Variants in MANBA observed in about 807,000 individuals in gnomAD.
MANBA encodes beta-mannosidase.
A neutral mutation model predicts 111.1 loss-of-function variants in MANBA; 83 were observed. The observed-to-expected ratio is 0.75, with a 90% CI of 0.63 to 0.90. MANBA has a LOEUF of 0.90. MANBA is among the 40% of genes least tolerant of loss of function. MANBA has a pLI of 0.00. For missense variants in MANBA, 1,036 were observed against 1,069.0 expected, an observed-to-expected ratio of 0.97 and a Z score of 0.43; for synonymous variants, 370 against 378.7, an observed-to-expected ratio of 0.98 and a Z score of 0.27.
intron 1 of MANBA, among the ~76,000 whole-genome samples, chr4:102,759,375 A>G (rs1344812825): frequency 2.0e-5 from 3 of 152,114 alleles, no homozygotes; most frequent in Non-Finnish European, 2.9e-5. Flanking sequence ...CTACAAAATA[A>G]ACACAGGCAT....
chr4:102,661,768 C>T (rs1050637018), intron 11 of MANBA, among the ~76,000 whole-genome samples: 2 of 152,166 alleles, frequency 1.3e-5, no homozygotes. Context: ...TTGCAAATCT[C>T]ACAGATGACA....
chr4:102,639,184 C>A (rs572188529), intron 14 of MANBA, among the ~76,000 whole-genome samples: 2 of 152,270 alleles, frequency 1.3e-5, no homozygotes, highest in Admixed American at 1.3e-4. Context: ...CCTCTACTAG[C>A]TTTTCCCCAA....
intron 2 of MANBA, among the ~76,000 whole-genome samples, chr4:102,725,329 T>G (rs190961349): frequency 7.2e-4 from 109 of 152,234 alleles, no homozygotes; most frequent in African/African-American, 2.5e-3. Context: ...CTTATACCCT[T>G]TGCTCTTTGC....
chr4:102,662,304 G>A (rs924747098), intron 11 of MANBA, among the ~76,000 whole-genome samples: 10 of 152,088 alleles, frequency 6.6e-5, no homozygotes, highest in Non-Finnish European at 5.9e-5. Flanking sequence ...CACTTTCGGA[G>A]GCCGAGGTGG....
intron 1 of MANBA, among the ~76,000 whole-genome samples, chr4:102,740,165 C>T (rs1723351153): frequency 6.6e-6 from 1 of 152,112 alleles, no homozygotes; most frequent in African/African-American, 2.4e-5. Flanking sequence ...AGCTGATAAT[C>T]AAATCAAGAA....
chr4:102,754,167 C>A (rs886087020), intron 1 of MANBA, among the ~76,000 whole-genome samples: 1 of 152,078 alleles, frequency 6.6e-6, no homozygotes, highest in East Asian at 1.9e-4. Context: ...AAATAATATT[C>A]AAATCTAGCA....
chr4:102,638,520 G>T (rs1471682946), intron 14 of MANBA, among the ~76,000 whole-genome samples: 1 of 152,058 alleles, frequency 6.6e-6, no homozygotes, highest in Admixed American at 6.6e-5. Flanking sequence ...GGAATAATCT[G>T]CATGGGATCA....
At chr4:102,748,038 C>T (rs984983179) in intron 1 of MANBA, among the ~76,000 whole-genome samples, 2 of 152,196 alleles carry the variant, frequency 1.3e-5, no homozygotes, top group Non-Finnish European at 2.9e-5. Context: ...ATCACACTTG[C>T]TCAGGGAGTG....
chr4:102,652,795 T>C (rs1238841815), intron 12 of MANBA, among the ~76,000 whole-genome samples: 2 of 152,134 alleles, frequency 1.3e-5, no homozygotes, highest in African/African-American at 4.8e-5. Context: ...CTTGGGAGGC[T>C]AAAGTGGGAT....
Position 102,640,653 on chromosome 4 carries a change from G to A in MANBA, c.1870-796C>T, listed in dbSNP as rs552688129. ...AGAACCCAGAGATGGTCAGAGCAGC[G>A]AGGATTTCAGAGAACAAGAAGGCCT... On this transcript the variant is annotated intron_variant, in intron 13 of 16. Transcript: ENST00000647097. 9.8e-5 allele frequency among the ~76,000 whole-genome samples: 15 copies of A among 152,286 alleles called. 1 individual carries two copies. In the South Asian group the frequency reaches 2.3e-3, roughly 23 times the overall value.
At chr4:102,704,461 C>T (rs929851457) in intron 5 of MANBA, among the ~76,000 whole-genome samples, 9 of 152,122 alleles carry the variant, frequency 5.9e-5, no homozygotes, top group African/African-American at 9.7e-5. Context: ...TGAGCCACCA[C>T]GCCCAGCCTT....
intron 4 of MANBA, among the ~76,000 whole-genome samples, chr4:102,715,638 T>C (rs879272503): frequency 6.6e-5 from 10 of 152,118 alleles, no homozygotes; most frequent in Non-Finnish European, 1.2e-4. Flanking sequence ...TGATCTTCTC[T>C]CTCCTCCCAC....
At chr4:102,638,689 C>T (rs545859491) in intron 14 of MANBA, among the ~76,000 whole-genome samples, 3 of 152,280 alleles carry the variant, frequency 2.0e-5, no homozygotes. Flanking sequence ...GAAGGATTTT[C>T]CCCCCAATTC....
intron 7 of MANBA, chr4:102,682,739 C>G (rs1732042079): frequency 6.6e-6 from 1 of 152,084 alleles, no homozygotes; most frequent in African/African-American, 2.4e-5. Context: ...ATGGTGGAGA[C>G]AGAGATCAGA....
At chr4:102,749,320 T>G (rs1172725830) in intron 1 of MANBA, among the ~76,000 whole-genome samples, 2 of 152,166 alleles carry the variant, frequency 1.3e-5, no homozygotes, top group African/African-American at 4.8e-5. Flanking sequence ...ATGTGGTGGT[T>G]AGACACAAGC....
intron 16 of MANBA, among the ~76,000 whole-genome samples, chr4:102,632,951 C>G (rs2866407): frequency 0.55 from 83,107 of 151,556 alleles, 23,181 homozygotes; most frequent in African/African-American, 0.63. Context: ...TTGCAAACCT[C>G]TCTTTGTGTG....
chr4:102,749,566 T>TAGTAGA (rs1336392237), intron 1 of MANBA, among the ~76,000 whole-genome samples: 1 of 152,250 alleles, frequency 6.6e-6, no homozygotes. Context: ...TGTTTACTAT[T>TAGTAGA]TACTGTTTCT....
chr4:102,696,425 A>G (rs1485248465), intron 5 of MANBA, among the ~76,000 whole-genome samples: 1 of 152,224 alleles, frequency 6.6e-6, no homozygotes, highest in Non-Finnish European at 1.5e-5. Flanking sequence ...TTGAATAACT[A>G]CTGTCTGTAA....
chr4:102,657,184 A>C (rs1730591797), intron 12 of MANBA, among the ~76,000 whole-genome samples: 1 of 127,876 alleles, frequency 7.8e-6, no homozygotes, highest in African/African-American at 2.9e-5. Flanking sequence ...AATAAAACAC[A>C]CCAACATGAT....
Sources: allele counts gnomAD v4.1 joint callset (sites outside exome capture counted in the v4.1 genomes callset), GRCh38; gene constraint gnomAD v4.1.1; transcripts MANE v1.5; gene names NCBI Gene and HGNC (gene_info 2026-07-23, HGNC 2026-07-21).